SHANK2: variants seen among roughly 807,000 people sequenced by gnomAD.
SHANK2 encodes the protein SH3 and multiple ankyrin repeat domains 2.
In SHANK2, 43 loss-of-function variants were observed where a neutral mutation model predicts 133.7. That is an observed-to-expected ratio of 0.32 (90% CI 0.25 to 0.41). The LOEUF is 0.41. Ranked by LOEUF, SHANK2 falls within the 10% of genes least tolerant of loss-of-function variation. The pLI is 1.00. For missense variants in SHANK2, 1,994 were observed against 2,235.8 expected, an observed-to-expected ratio of 0.89 and a Z score of 2.18; for synonymous variants, 1,017 against 952.8, an observed-to-expected ratio of 1.07 and a Z score of -1.24.
intron 11 of SHANK2, among the ~76,000 whole-genome samples, chr11:70,893,682 A>G (rs996402633): frequency 1.3e-5 from 2 of 152,216 alleles, no homozygotes; most frequent in African/African-American, 2.4e-5. Context: ...TTGTAGATGC[A>G]CAAGGAACCG....
chr11:70,815,729 G>A (rs1948379685), intron 12 of SHANK2, among the ~76,000 whole-genome samples: 1 of 152,212 alleles, frequency 6.6e-6, no homozygotes, highest in Admixed American at 6.5e-5. Flanking sequence ...CCCGGTGGGG[G>A]CCCTGGGGAG....
chr11:70,689,757 A>C (rs1945236354), intron 15 of SHANK2, among the ~76,000 whole-genome samples: 1 of 152,220 alleles, frequency 6.6e-6, no homozygotes, highest in African/African-American at 2.4e-5. Flanking sequence ...ATGAGTACAA[A>C]CCTAACATCA....
At chr11:70,648,109 C>T (rs140933601) in intron 17 of SHANK2, among the ~76,000 whole-genome samples, 72 of 152,282 alleles carry the variant, frequency 4.7e-4, no homozygotes, top group African/African-American at 1.3e-3. Context: ...TGCTACCATA[C>T]GGATGAACCT....
intron 12 of SHANK2, among the ~76,000 whole-genome samples, chr11:70,813,353 C>T (rs566869086): frequency 9.7e-4 from 147 of 152,172 alleles, no homozygotes; most frequent in Non-Finnish European, 1.5e-3. Context: ...TGCCACACGG[C>T]GCAGTGGTGC....
At chr11:70,891,718 G>A (rs531183288) in intron 11 of SHANK2, among the ~76,000 whole-genome samples, 20 of 151,966 alleles carry the variant, frequency 1.3e-4, no homozygotes, top group Middle Eastern at 3.4e-3. Flanking sequence ...TCCCTCTCTC[G>A]GTCTCCATCC....
At chr11:70,868,983 G>A (rs1459142826) in intron 11 of SHANK2, among the ~76,000 whole-genome samples, 5 of 152,280 alleles carry the variant, frequency 3.3e-5, no homozygotes, top group Middle Eastern at 3.4e-3. Flanking sequence ...GCATGTGTGC[G>A]ACTGTATAGG....
Position 70,472,893 on chromosome 11 carries a change from A to G in SHANK2, c.5526T>C (p.Ala1842=). 6.2e-7 allele frequency: 1 copy of G among 1,614,188 alleles called. No individual in the cohort carries two copies. Among genetic ancestry groups the G allele is most frequent in the Non-Finnish European group, 8.5e-7 (1 of 1,180,034 alleles). The part of the protein sequence containing the change: ...RVGHRMNIER[A]LKQLLDR Reference sequence around the variant, plus strand: ...CTTATCTGTCCAGCAGCTGTTTCAAAGCCCTTTCTATGTTCATTCTGTGCC... The same window carrying G: ...CTTATCTGTCCAGCAGCTGTTTCAAGGCCCTTTCTATGTTCATTCTGTGCC... The change falls in exon 26 of 26, where the codon GCT becomes GCC. Residue 1842 remains alanine (A), a synonymous_variant. Transcript: ENST00000601538. This position sits in a 1 kb window ranked among gnomAD's most constrained non-coding sequence, Gnocchi z 4.4.
intron 11 of SHANK2, among the ~76,000 whole-genome samples, chr11:70,895,722 A>G (rs1239020079): frequency 2.0e-5 from 3 of 152,152 alleles, no homozygotes; most frequent in African/African-American, 7.2e-5. Flanking sequence ...GCACCTTCCA[A>G]TAAACACATC....
At position 70,487,703 on chromosome 11, in the gene SHANK2, G is replaced by C; in HGVS notation, c.2590C>G (p.Arg864Gly). The C allele has an allele frequency of 6.4e-7, 1 of 1,565,326 alleles. No individual in the cohort carries two copies. Among genetic ancestry groups the C allele is most frequent in the Non-Finnish European group, 8.7e-7 (1 of 1,154,716 alleles). ...AGCATTGGAGGAGCCAGAAACTGCC[G>C]CTCTTCCTCTGTTATTCCTACAAGC... Reference protein sequence around the residue: ...IFLSGITEEERQFLAPPMLKF... With the variant: ...IFLSGITEEEGQFLAPPMLKF... Residue 864 changes from arginine to glycine, a missense_variant, in exon 25 of 26, where the codon CGG becomes GGG. Transcript: ENST00000601538. This position sits in a 1 kb window ranked among gnomAD's most constrained non-coding sequence, Gnocchi z 5.8.
intron 6 of SHANK2, among the ~76,000 whole-genome samples, chr11:71,109,282 G>A (rs1951851484): frequency 6.6e-6 from 1 of 152,156 alleles, no homozygotes; most frequent in South Asian, 2.1e-4. Context: ...ACTGTCACCT[G>A]GGGTGACAGT....
At chr11:70,888,953 T>C (rs1276063890) in intron 11 of SHANK2, among the ~76,000 whole-genome samples, 1 of 152,152 alleles carries the variant, frequency 6.6e-6, no homozygotes, top group Non-Finnish European at 1.5e-5. Flanking sequence ...GTGGGGACGG[T>C]AGAATCAGAT....
At chr11:70,620,364 C>T (rs2060812033) in intron 17 of SHANK2, among the ~76,000 whole-genome samples, 2 of 152,216 alleles carry the variant, frequency 1.3e-5, no homozygotes, top group South Asian at 4.1e-4. Context: ...TTAGAAACCT[C>T]CTGAGTTGGG....
At chr11:71,168,040 C>T (rs1266712321) in intron 2 of SHANK2, among the ~76,000 whole-genome samples, 659 of 72,942 alleles carry the variant, frequency 9.0e-3, no homozygotes, top group South Asian at 0.024. Context: ...GGGCGGCTGC[C>T]AGGCGGAGGG....
chr11:70,946,216 T>C (rs111730091), intron 10 of SHANK2, among the ~76,000 whole-genome samples: 281 of 46,116 alleles, frequency 6.1e-3, no homozygotes, highest in Middle Eastern at 0.018. Flanking sequence ...GCTAACCAAC[T>C]CTTCCCCAAG....
At chr11:70,748,009 A>G (rs1245841285) in intron 14 of SHANK2, among the ~76,000 whole-genome samples, 1 of 152,230 alleles carries the variant, frequency 6.6e-6, no homozygotes, top group African/African-American at 2.4e-5. Flanking sequence ...CTGCACTGCT[A>G]TATGGAACAG....
chr11:70,806,283 C>T (rs1555051810), intron 13 of SHANK2, among the ~76,000 whole-genome samples: 1 of 152,200 alleles, frequency 6.6e-6, no homozygotes. Context: ...TTTCTTGCTC[C>T]ACCCAGTGAG....
At chr11:71,249,873 G>A (rs1948148961) in intron 1 of SHANK2, among the ~76,000 whole-genome samples, 1 of 152,026 alleles carries the variant, frequency 6.6e-6, no homozygotes, top group African/African-American at 2.4e-5. Flanking sequence ...AATGCAATGC[G>A]GTCTCAGAAT....
intron 17 of SHANK2, among the ~76,000 whole-genome samples, chr11:70,577,950 G>A (rs782208028): frequency 6.6e-6 from 1 of 152,220 alleles, no homozygotes; most frequent in Non-Finnish European, 1.5e-5. Flanking sequence ...AGGGGACAGG[G>A]AGAAGGCAGC....
intron 15 of SHANK2, among the ~76,000 whole-genome samples, chr11:70,664,291 C>A (rs1555014289): frequency 6.6e-6 from 1 of 152,186 alleles, no homozygotes; most frequent in Non-Finnish European, 1.5e-5. Context: ...TCAGCCCACC[C>A]CGGCCCCATG....
Sources: allele counts gnomAD v4.1 joint callset (sites outside exome capture counted in the v4.1 genomes callset), GRCh38; gene constraint gnomAD v4.1.1; non-coding constraint Gnocchi (gnomAD v3.1); transcripts MANE v1.5; gene names NCBI Gene and HGNC (gene_info 2026-07-23, HGNC 2026-07-21).